KCNG2: variants seen among roughly 807,000 people sequenced by gnomAD.
KCNG2 encodes the protein voltage-gated potassium channel regulatory subunit KCNG2.
KCNG2 carries 7 observed loss-of-function variants against 12.3 expected under a neutral mutation model. The ratio of observed to expected loss-of-function variants is 0.57; its 90% CI spans 0.32 to 1.07. The LOEUF (loss-of-function observed/expected upper bound fraction) is 1.07. KCNG2 is among the 50% of genes least tolerant of loss of function. The probability of loss-of-function intolerance (pLI) is 0.04; values close to 1 mark genes in which losing one functional copy is unlikely to be tolerated. For missense variants in KCNG2, 703 were observed against 726.0 expected, an observed-to-expected ratio of 0.97 and a Z score of 0.36; for synonymous variants, 414 against 351.4, an observed-to-expected ratio of 1.18 and a Z score of -1.99.
Position 79,853,350 on chromosome 18 carries a change from C to G in KCNG2, c.-114-3029C>G, listed in dbSNP as rs962837421. ...ACGAGAGGTCAGGTTTGAGCAAACG[C>G]CGAGCGTGAGGGGTCACCATGGGGT... On this transcript the variant is annotated intron_variant, in intron 1 of 3. Transcript: ENST00000316249. Among the ~76,000 whole-genome samples, 3 of 152,142 alleles carry G rather than the reference C, an allele frequency of 2.0e-5. No homozygotes were observed. The South Asian group carries it at 6.2e-4, about 32-fold the overall frequency.
chr18:79,815,928 C>T (rs915369522), intron 1 of KCNG2, among the ~76,000 whole-genome samples: 7 of 152,180 alleles, frequency 4.6e-5, no homozygotes, highest in Admixed American at 1.3e-4. Context: ...TTGGCCACCA[C>T]GTAAAACTAT....
intron 3 of KCNG2, among the ~76,000 whole-genome samples, chr18:79,889,136 G>A (rs1180088451): frequency 6.6e-6 from 1 of 152,066 alleles, no homozygotes; most frequent in Non-Finnish European, 1.5e-5. Flanking sequence ...TGTCCTTTGA[G>A]GCACAAAAGT....
intron 2 of KCNG2, among the ~76,000 whole-genome samples, chr18:79,863,409 C>G (rs1431993580): frequency 3.3e-5 from 5 of 152,348 alleles, no homozygotes; most frequent in Admixed American, 1.3e-4. Context: ...TAACTCAAGG[C>G]GGGTCACCAC....
chr18:79,861,469 G>A (rs938040036), intron 2 of KCNG2, among the ~76,000 whole-genome samples: 5 of 152,010 alleles, frequency 3.3e-5, no homozygotes, highest in African/African-American at 1.2e-4. Context: ...AGTAGAGACA[G>A]GTTTTTGCCA....
intron 3 of KCNG2, among the ~76,000 whole-genome samples, chr18:79,890,858 C>T (rs1980720589): frequency 6.6e-6 from 1 of 152,226 alleles, no homozygotes; most frequent in African/African-American, 2.4e-5. Flanking sequence ...CACGATTATT[C>T]ACAGTGCTGC....
intron 1 of KCNG2, among the ~76,000 whole-genome samples, chr18:79,806,432 G>C (rs1441385337): frequency 1.3e-5 from 2 of 152,196 alleles, no homozygotes; most frequent in African/African-American, 4.8e-5. Context: ...TGGTCTCATG[G>C]GTGTTTCTTG....
rs1290125251 is a variant in KCNG2, at chr18:79,899,791, C to T, written c.1376C>T (p.Ala459Val). ...GGCCTGGCCGACGACTCCGCGGATG[C>T]GCTGTGGGTGCGGGCAGGGCGCTGA... ...SAGLADDSAD[A>V]LWVRAGR The change falls in exon 4 of 4, where the codon GCG (alanine) becomes GTG (valine). Residue 459 changes from alanine (A) to valine (V), a missense_variant. By Grantham distance (64) the Ala-to-Val change is moderately conservative. Coordinates refer to ENST00000316249, the MANE Select transcript of KCNG2 (RefSeq NM_012283.2). 2.8e-6 allele frequency: 4 copies of T among 1,443,462 alleles called. No individual in the cohort carries two copies. Among genetic ancestry groups the T allele is most frequent in the East Asian group, 2.7e-5 (1 of 36,824 alleles). The allele number at this position is 1,443,462 out of a possible 1,614,324, so 89.4% of individuals were successfully genotyped here. A position where few individuals can be genotyped will look rare whatever the true frequency, so the allele number is the denominator to read the frequency against.
chr18:79,857,696 G>C (rs1979065663), intron 2 of KCNG2, among the ~76,000 whole-genome samples: 1 of 151,820 alleles, frequency 6.6e-6, no homozygotes, highest in Admixed American at 6.6e-5. Flanking sequence ...CGGCTCTCAA[G>C]CCTCAGTGAT....
intron 1 of KCNG2, among the ~76,000 whole-genome samples, chr18:79,799,430 T>A (rs2087390595): frequency 6.6e-6 from 1 of 152,144 alleles, no homozygotes; most frequent in Non-Finnish European, 1.5e-5. Flanking sequence ...GTTAGAGGGA[T>A]GGGATTGCCG....
At chr18:79,810,109 C>A (rs558980855) in intron 1 of KCNG2, among the ~76,000 whole-genome samples, 1 of 152,148 alleles carries the variant, frequency 6.6e-6, no homozygotes, top group Non-Finnish European at 1.5e-5. Flanking sequence ...TGTGTCAGCA[C>A]CCAGCTGGGC....
intron 3 of KCNG2, among the ~76,000 whole-genome samples, chr18:79,895,492 A>C (rs1034295095): frequency 2.0e-5 from 3 of 149,704 alleles, no homozygotes; most frequent in African/African-American, 7.4e-5. Flanking sequence ...TCATGCCATT[A>C]ATAACGATTG....
At chr18:79,883,337 G>A (rs1029574032) in intron 3 of KCNG2, among the ~76,000 whole-genome samples, 16 of 152,214 alleles carry the variant, frequency 1.1e-4, no homozygotes, top group African/African-American at 1.4e-4. Context: ...CGCGGTAGTG[G>A]TGGTTCCAGG....
intron 1 of KCNG2, among the ~76,000 whole-genome samples, chr18:79,827,024 G>T (rs998372784): frequency 6.6e-6 from 1 of 152,260 alleles, no homozygotes; most frequent in African/African-American, 2.4e-5. Flanking sequence ...GCTGAGCTTT[G>T]CTGCTTGGTG....
chr18:79,817,154 C>T (rs1481504380), intron 1 of KCNG2, among the ~76,000 whole-genome samples: 3 of 151,950 alleles, frequency 2.0e-5, no homozygotes, highest in East Asian at 1.9e-4. Flanking sequence ...GGATGTTACA[C>T]GGCTGTCATA....
rs11665567 is a variant in KCNG2, at chr18:79,803,334, G to A, written c.-115+5320G>A. On this transcript the variant is annotated intron_variant, in intron 1 of 3. Coordinates refer to ENST00000316249, the MANE Select transcript of KCNG2 (RefSeq NM_012283.2). The surrounding 1 kb of genome is among the most constrained non-coding windows in gnomAD (Gnocchi z 4.5). ...CTCTAGGCCTCCAGTTCTTCTTCCC[G>A]GAGGTTCACAGCCACTTCAAGATGA... 0.18 allele frequency among the ~76,000 whole-genome samples: 27,508 copies of A among 151,992 alleles called. 2,540 individuals are homozygous for A. Among genetic ancestry groups the A allele is most frequent in the Middle Eastern group, 0.21 (62 of 294 alleles).
chr18:79,849,540 C>A (rs1198447323), intron 1 of KCNG2, among the ~76,000 whole-genome samples: 1 of 152,244 alleles, frequency 6.6e-6, no homozygotes, highest in Non-Finnish European at 1.5e-5. Flanking sequence ...CCTTGCTCTG[C>A]GTCAGCCTAG....
chr18:79,891,932 C>T (rs1331380696), intron 3 of KCNG2, among the ~76,000 whole-genome samples: 1 of 151,992 alleles, frequency 6.6e-6, no homozygotes, highest in Non-Finnish European at 1.5e-5. Context: ...CTCCTGTGTA[C>T]TTGTTCTACC....
chr18:79,872,918 CGGCCGTGGGGA>C (rs1468255186), intron 3 of KCNG2, among the ~76,000 whole-genome samples: 7 of 151,106 alleles, frequency 4.6e-5, no homozygotes, highest in African/African-American at 1.5e-4. Context: ...CCCTGTGTGG[CGGCCGTGGGGA>C]GGGTCTGTGG....
At chr18:79,824,655 C>T (rs1389556312) in intron 1 of KCNG2, among the ~76,000 whole-genome samples, 1 of 152,192 alleles carries the variant, frequency 6.6e-6, no homozygotes, top group Non-Finnish European at 1.5e-5. Flanking sequence ...GCTGCCGGTG[C>T]TGGTGAAATA....
Sources: allele counts gnomAD v4.1 joint callset (sites outside exome capture counted in the v4.1 genomes callset), GRCh38; gene constraint gnomAD v4.1.1; non-coding constraint Gnocchi (gnomAD v3.1); transcripts MANE v1.5; gene names NCBI Gene and HGNC (gene_info 2026-07-23, HGNC 2026-07-21).